SCARA3: variants seen among roughly 807,000 people sequenced by gnomAD.
The protein encoded by SCARA3 is cellular stress response gene protein.
In SCARA3, 39 loss-of-function variants were observed where a neutral mutation model predicts 47.0. That is an observed-to-expected ratio of 0.83 (90% CI 0.64 to 1.08). SCARA3 has a LOEUF of 1.08. SCARA3 is among the 50% of genes least tolerant of loss of function. The pLI is 0.00. For missense variants in SCARA3, 724 were observed against 792.3 expected (o/e 0.91, Z 1.04); for synonymous variants, 356 against 334.1 (o/e 1.07, Z -0.71).
chr8:27,648,561 A>G (rs906525409), intron 1 of SCARA3, among the ~76,000 whole-genome samples: 3 of 152,024 alleles, frequency 2.0e-5, no homozygotes, highest in African/African-American at 7.2e-5. Flanking sequence ...CCGAGATAGC[A>G]CCACTGCAAT....
the SCARA3 span, among the ~76,000 whole-genome samples, chr8:27,688,106 G>A: frequency 6.6e-6 from 1 of 152,140 alleles, no homozygotes; most frequent in East Asian, 1.9e-4. Context: ...GGAATAGTAG[G>A]AGCTGTTCCA....
chr8:27,714,784 C>T, the SCARA3 span, among the ~76,000 whole-genome samples: 1,043 of 152,310 alleles, frequency 6.8e-3, 10 homozygotes, highest in African/African-American at 0.023. Context: ...GAAAAATCCT[C>T]TTCAGGAGAA....
At chr8:27,646,026 C>T (rs368977820) in intron 1 of SCARA3, among the ~76,000 whole-genome samples, 1 of 152,140 alleles carries the variant, frequency 6.6e-6, no homozygotes, top group Non-Finnish European at 1.5e-5. Context: ...ATTAAGTGAA[C>T]GAGGCTACAG....
chr8:27,654,741 G>GATCA (rs1204979592), intron 3 of SCARA3, among the ~76,000 whole-genome samples: 1 of 147,462 alleles, frequency 6.8e-6, no homozygotes, highest in Non-Finnish European at 1.5e-5. Context: ...AGTGAACCAT[G>GATCA]ATCACACTGC....
Position 27,671,068 on chromosome 8 carries a change from T to C in SCARA3, c.1538T>C (p.Val513Ala), listed in dbSNP as rs1802139975. The C allele has an allele frequency of 1.2e-6, 2 of 1,611,978 alleles. No homozygotes were observed. Among genetic ancestry groups the C allele is most frequent in the Non-Finnish European group, 1.7e-6 (2 of 1,179,360 alleles). ...EAGPVGERGP[V>A]GPRGFPGLKG... ...GGGCCTGTGGGAGAAAGGGGCCCTG[T>C]TGGCCCTCGAGGGTTCCCAGGCCTC... The change falls in exon 6 of 6, where the codon GTT (valine) becomes GCT (alanine). Residue 513 changes from valine (V) to alanine (A), a missense_variant. Physicochemically the swap from Val to Ala is moderately conservative, Grantham distance 64. Coordinates refer to ENST00000301904, the MANE Select transcript of SCARA3 (RefSeq NM_016240.3).
At chr8:27,636,810 G>T (rs896492365) in intron 1 of SCARA3, among the ~76,000 whole-genome samples, 4 of 152,218 alleles carry the variant, frequency 2.6e-5, no homozygotes, top group African/African-American at 7.2e-5. Context: ...TTCCCTCCCT[G>T]GCAGCCGGGA....
intron 1 of SCARA3, among the ~76,000 whole-genome samples, chr8:27,646,603 G>A (rs771325208): frequency 1.1e-4 from 17 of 152,160 alleles, no homozygotes; most frequent in Non-Finnish European, 2.4e-4. Flanking sequence ...GGGTTGGAAG[G>A]AATACCTCCC....
intron 1 of SCARA3, among the ~76,000 whole-genome samples, chr8:27,636,892 G>A (rs1801265221): frequency 6.6e-6 from 1 of 152,200 alleles, no homozygotes; most frequent in Non-Finnish European, 1.5e-5. Context: ...GATCTGTGGG[G>A]TGTAAAGAAC....
At chr8:27,714,796 G>C in the SCARA3 span, among the ~76,000 whole-genome samples, 1 of 152,138 alleles carries the variant, frequency 6.6e-6, no homozygotes, top group Admixed American at 6.5e-5. Flanking sequence ...TCAGGAGAAG[G>C]AATTGAAAAT....
the SCARA3 span, among the ~76,000 whole-genome samples, chr8:27,687,776 G>A: frequency 2.0e-5 from 3 of 152,082 alleles, no homozygotes; most frequent in African/African-American, 7.2e-5. Flanking sequence ...CAGCACTTTG[G>A]GAGGCCAAGG....
At chr8:27,684,876 T>C in the SCARA3 span, among the ~76,000 whole-genome samples, 1 of 151,656 alleles carries the variant, frequency 6.6e-6, no homozygotes, top group African/African-American at 2.4e-5. Context: ...CACTCCAGCC[T>C]GGGCAACATA....
At chr8:27,653,570 C>CGTGTGTGTGTGTGTGTGT (rs61545866) in intron 3 of SCARA3, among the ~76,000 whole-genome samples, 8,845 of 144,968 alleles carry the variant, frequency 0.061, 375 homozygotes, top group East Asian at 0.12. Flanking sequence ...ATTTGTAAAG[C>CGTGTGTGTGTGTGTGTGT]GTGTGTGTGT....
chr8:27,700,784 C>T, the SCARA3 span, among the ~76,000 whole-genome samples: 2 of 152,062 alleles, frequency 1.3e-5, no homozygotes, highest in Non-Finnish European at 2.9e-5. Flanking sequence ...ACCAACAATA[C>T]AAAATGTTGT....
At chr8:27,718,647 A>G in the SCARA3 span, among the ~76,000 whole-genome samples, 1 of 152,234 alleles carries the variant, frequency 6.6e-6, no homozygotes, top group Non-Finnish European at 1.5e-5. Context: ...CATTCAGGCC[A>G]CAAAAGATGC....
At chr8:27,726,917 G>GTT in the SCARA3 span, among the ~76,000 whole-genome samples, 1 of 151,946 alleles carries the variant, frequency 6.6e-6, no homozygotes, top group East Asian at 2.0e-4. Context: ...GGGATTACAG[G>GTT]TGTGTGCCAT....
At chr8:27,700,730 T>C in the SCARA3 span, among the ~76,000 whole-genome samples, 1 of 152,040 alleles carries the variant, frequency 6.6e-6, no homozygotes, top group Non-Finnish European at 1.5e-5. Context: ...GAAATGCAAA[T>C]GAAACCACTC....
In SCARA3 at chr8:27,651,615, T is replaced by C. The variant is rs775163060; in HGVS notation, c.214T>C (p.Leu72=). ...LALLLVAVAV[L]ASLVFRKVDS... is the part of the protein sequence containing the mutation. ...CCTGCTCCTGGTGGCCGTGGCTGTG[T>C]TGGCCTCTCTGGGTGAGTCCGGGGC... Residue 72 remains leucine, a synonymous_variant, in exon 3 of 6, where the codon TTG becomes CTG. Transcript: ENST00000301904. The C allele has an allele frequency of 1.6e-4, 265 of 1,613,958 alleles. No homozygotes were observed. The highest frequency in any genetic ancestry group is 2.2e-4 in the Non-Finnish European group (259 of 1,180,008).
chr8:27,641,541 G>C (rs533919180), intron 1 of SCARA3, among the ~76,000 whole-genome samples: 2 of 152,200 alleles, frequency 1.3e-5, no homozygotes, highest in East Asian at 1.9e-4. Context: ...AGTGCAATTC[G>C]AAGAAAGCAG....
chr8:27,709,200 A>G, the SCARA3 span, among the ~76,000 whole-genome samples: 1 of 152,238 alleles, frequency 6.6e-6, no homozygotes, highest in South Asian at 2.1e-4. Flanking sequence ...AGCCCAAGTT[A>G]AAAGAAGATT....
Sources: gnomAD v4.1 joint callset for allele counts (sites outside exome capture counted in the v4.1 genomes callset) on GRCh38, gnomAD v4.1.1 for gene constraint, MANE v1.5 for transcripts, NCBI Gene and HGNC (gene_info 2026-07-23, HGNC 2026-07-21) for gene names.